Variants in SLC9C1 observed in about 807,000 individuals in gnomAD.
SLC9C1 encodes the protein sodium/hydrogen exchanger 10.
A neutral mutation model predicts 140.9 loss-of-function variants in SLC9C1; 97 were observed. The observed-to-expected ratio is 0.69, with a 90% CI of 0.58 to 0.82. The LOEUF (loss-of-function observed/expected upper bound fraction) is 0.82, where lower values mean the gene tolerates loss of function less well. Among genes scored for constraint, SLC9C1 ranks in the 40% least tolerant of loss-of-function variants. The probability of loss-of-function intolerance (pLI) is 0.00; values close to 1 mark genes in which losing one functional copy is unlikely to be tolerated. For synonymous variants in SLC9C1, 440 were observed against 442.6 expected (o/e 0.99, Z 0.07); for missense variants, 1,340 against 1,389.3 (o/e 0.96, Z 0.56).
rs560956449 is a variant in SLC9C1, at chr3:112,217,324, C to A, written c.1790+118G>T. On this transcript the variant is annotated intron_variant, in intron 15 of 28. Transcript: ENST00000305815. The stretch of plus-strand genomic sequence containing the variant: ...GCATATGTAACCTGCACGTTGTGCA[C>A]ATGTACCCTAGCACTTATAGTATAA... 1.0e-4 allele frequency: 123 copies of A among 1,214,760 alleles called. 3 individuals carry two copies. In the South Asian group the frequency reaches 2.0e-3, roughly 20 times the overall value. 75.2% of individuals were successfully genotyped at this position (1,214,760 alleles called of 1,614,324 possible).
chr3:112,288,134 G>GCA (rs1308009314), intron 1 of SLC9C1, among the ~76,000 whole-genome samples: 2 of 146,522 alleles, frequency 1.4e-5, no homozygotes, highest in Non-Finnish European at 3.0e-5. Context: ...ATACACACAC[G>GCA]CACACACACA....
chr3:112,259,868 G>A, intron 10 of SLC9C1, among the ~76,000 whole-genome samples: 1 of 152,232 alleles, frequency 6.6e-6, no homozygotes, highest in African/African-American at 2.4e-5. Flanking sequence ...GTTACCTACA[G>A]ACTTTTTACA....
intron 17 of SLC9C1, 55 bp from the exon 18 acceptor site, chr3:112,202,454 A>G (rs1351133446): frequency 9.0e-5 from 136 of 1,510,856 alleles, no homozygotes; most frequent in Middle Eastern, 2.3e-4. Flanking sequence ...ATTTTATGAT[A>G]TGTTGATTAG....
intron 28 of SLC9C1, among the ~76,000 whole-genome samples, chr3:112,150,821 CATAT>C (rs1222212248): frequency 3.0e-4 from 6 of 19,900 alleles, no homozygotes; most frequent in Non-Finnish European, 4.0e-4. Context: ...AATACATATA[CATAT>C]ATATATATAT....
chr3:112,192,454 A>G (rs1017383921), intron 20 of SLC9C1, among the ~76,000 whole-genome samples: 9 of 152,204 alleles, frequency 5.9e-5, no homozygotes, highest in Non-Finnish European at 2.9e-5. Flanking sequence ...GTTAAATAAA[A>G]TTCCATTGTA....
At chr3:112,251,548 G>T (rs1469697090) in intron 10 of SLC9C1, among the ~76,000 whole-genome samples, 2 of 152,148 alleles carry the variant, frequency 1.3e-5, no homozygotes, top group Middle Eastern at 3.2e-3. Flanking sequence ...TCTAGGAAAG[G>T]AGGTGATCCA....
chr3:112,287,975 G>A (rs11929540), intron 1 of SLC9C1, among the ~76,000 whole-genome samples: 12,171 of 148,852 alleles, frequency 0.082, 575 homozygotes, highest in East Asian at 0.21. Flanking sequence ...CCGGGGAGGC[G>A]GAGCTTGCAG....
chr3:112,280,683 C>A lies in SLC9C1; in HGVS notation c.189G>T (p.Gln63His), dbSNP rs891122568. Residue 63 changes from glutamine to histidine, a missense_variant and splice_region_variant, in exon 3 of 29, where the codon CAG becomes CAT. Physicochemically the swap from Gln to His is conservative, Grantham distance 24. Transcript: ENST00000305815. ...TAAAATACTCATTTACAATACACAC[C>A]TGTGAAGATGTAAAGCTTAATACTT... Reference protein sequence around the residue: ...SFEVLSFTSSQVQRYANAIQW... With the variant: ...SFEVLSFTSSHVQRYANAIQW... 1 of 1,599,992 alleles carries A rather than the reference C, an allele frequency of 6.3e-7. No homozygotes were observed. Among genetic ancestry groups the A allele is most frequent in the African/African-American group, 1.3e-5 (1 of 74,230 alleles).
At chr3:112,263,514 C>T (rs1050755362) in intron 9 of SLC9C1, among the ~76,000 whole-genome samples, 2 of 99,462 alleles carry the variant, frequency 2.0e-5, no homozygotes, top group African/African-American at 6.3e-5. Context: ...CAATATTGGC[C>T]AGATTTTTTT....
chr3:112,280,856 T>A, intron 2 of SLC9C1, 73 bp from the exon 3 acceptor site: 1 of 1,374,268 alleles, frequency 7.3e-7, no homozygotes, highest in Non-Finnish European at 1.0e-6. Context: ...ACATGATTTC[T>A]TAAAATTGTG....
intron 10 of SLC9C1, among the ~76,000 whole-genome samples, chr3:112,256,201 G>A (rs2079602286): frequency 6.6e-6 from 1 of 152,086 alleles, no homozygotes; most frequent in Non-Finnish European, 1.5e-5. Context: ...AATGGAGAAG[G>A]AAAAACTCCT....
intron 15 of SLC9C1, among the ~76,000 whole-genome samples, chr3:112,213,197 C>T (rs4293675): frequency 6.6e-6 from 1 of 152,182 alleles, no homozygotes; most frequent in Admixed American, 6.5e-5. Flanking sequence ...ACAAGAGCTC[C>T]TGAAGGAAGT....
chr3:112,217,369 C>A, intron 15 of SLC9C1, 73 bp downstream of exon 15: 2 of 1,485,230 alleles, frequency 1.3e-6, no homozygotes, highest in East Asian at 2.4e-5. Context: ...ATTCAAGATA[C>A]CATTTTAAAA....
chr3:112,168,971 A>G lies in SLC9C1; in HGVS notation c.3143T>C (p.Leu1048Pro). Residue 1048 changes from leucine (L) to proline (P), a missense_variant, in exon 25 of 29, where the codon CTA (leucine) becomes CCA (proline). Coordinates refer to ENST00000305815, the MANE Select transcript of SLC9C1 (RefSeq NM_183061.3). ...TCCATGTATGAGGATAACATAGATTAGATTTTCATCATAAATATCAGTTTT... is the reference window on the plus strand; with the variant it reads ...TCCATGTATGAGGATAACATAGATTGGATTTTCATCATAAATATCAGTTTT... ...STKTDIYDEN[L>P]IYVILIHGAV... 1 of 1,612,372 alleles carries G rather than the reference A, an allele frequency of 6.2e-7. No homozygotes were observed.
intron 11 of SLC9C1, among the ~76,000 whole-genome samples, chr3:112,240,452 G>A (rs2079111333): frequency 6.6e-6 from 1 of 152,186 alleles, no homozygotes; most frequent in African/African-American, 2.4e-5. Flanking sequence ...TTTTGGATGA[G>A]GGTGACATTT....
intron 12 of SLC9C1, among the ~76,000 whole-genome samples, chr3:112,232,668 T>C (rs1168404816): frequency 2.0e-5 from 3 of 151,984 alleles, no homozygotes; most frequent in Non-Finnish European, 2.9e-5. Context: ...ACAAAAACAT[T>C]GTAAAAACCA....
chr3:112,252,931 T>A (rs1309886481), intron 10 of SLC9C1, among the ~76,000 whole-genome samples: 1 of 152,058 alleles, frequency 6.6e-6, no homozygotes, highest in African/African-American at 2.4e-5. Flanking sequence ...TGGGTTGGAG[T>A]TCCCAAAGGG....
intron 16 of SLC9C1, among the ~76,000 whole-genome samples, chr3:112,205,681 A>C (rs1373577761): frequency 9.1e-6 from 1 of 109,720 alleles, no homozygotes; most frequent in Non-Finnish European, 1.9e-5. Context: ...CAGAACAGAG[A>C]CCTCAGAAAT....
Position 112,151,870 on chromosome 3 carries a change from G to C in SLC9C1, c.3511C>G (p.Leu1171Val), listed in dbSNP as rs1032617035. The C allele has an allele frequency of 1.9e-6, 3 of 1,612,572 alleles. No individual in the cohort carries two copies. The highest frequency in any genetic ancestry group is 2.5e-6 in the Non-Finnish European group (3 of 1,179,530). ...AGAGTGGCTTACCTGACTTTCCTTAGGTTTATTCTAGGGGACTCCTTACAG... is the reference window on the plus strand; with the variant it reads ...AGAGTGGCTTACCTGACTTTCCTTACGTTTATTCTAGGGGACTCCTTACAG... The part of the protein sequence containing the change: ...FNCKESPRIN[L>V]RKVRKE Residue 1171 changes from leucine (L) to valine (V), a missense_variant, in exon 28 of 29, where the codon CTA becomes GTA. Leu to Val is a conservative substitution (Grantham distance 32). Transcript: ENST00000305815.
Sources: gnomAD v4.1 joint callset for allele counts (sites outside exome capture counted in the v4.1 genomes callset) on GRCh38, gnomAD v4.1.1 for gene constraint, MANE v1.5 for transcripts, NCBI Gene and HGNC (gene_info 2026-07-23, HGNC 2026-07-21) for gene names.